HDAC4: variants seen among roughly 807,000 people sequenced by gnomAD.
HDAC4 encodes the protein histone deacetylase 4, also known as histone deacetylase A.
A neutral mutation model predicts 135.1 loss-of-function variants in HDAC4; 16 were observed. That is an observed-to-expected ratio of 0.12 (90% CI 0.08 to 0.18). HDAC4 has a LOEUF of 0.18. Among genes scored for constraint, HDAC4 ranks in the 10% least tolerant of loss-of-function variants. HDAC4 has a pLI of 1.00. For synonymous variants in HDAC4, 685 were observed against 653.4 expected (o/e 1.05, Z -0.74); for missense variants, 1,143 against 1,511.8 (o/e 0.76, Z 4.05).
At chr2:239,058,187 A>G (rs2106461155) in intron 24 of HDAC4, among the ~76,000 whole-genome samples, 1 of 152,342 alleles carries the variant, frequency 6.6e-6, no homozygotes, top group Middle Eastern at 3.4e-3. Context: ...GACTGTGTTG[A>G]CAATACATGC....
chr2:239,391,369 C>A (rs969647734), intron 1 of HDAC4, among the ~76,000 whole-genome samples: 2 of 152,166 alleles, frequency 1.3e-5, no homozygotes, highest in African/African-American at 4.8e-5. Flanking sequence ...TCCACCACAC[C>A]ACGACCTGCT....
intron 3 of HDAC4, chr2:239,191,143 T>C (rs749035077): frequency 2.3e-5 from 9 of 389,422 alleles, no homozygotes; most frequent in South Asian, 3.7e-5. Flanking sequence ...CCAACACTCA[T>C]GTGACCTGGG....
intron 12 of HDAC4, among the ~76,000 whole-genome samples, chr2:239,121,630 G>A (rs944321058): frequency 4.6e-5 from 7 of 152,178 alleles, no homozygotes; most frequent in African/African-American, 1.2e-4. Flanking sequence ...AGTGTCCCCC[G>A]CTGCCGCACG....
At chr2:239,343,516 G>A (rs1692428899) in intron 2 of HDAC4, among the ~76,000 whole-genome samples, 2 of 152,374 alleles carry the variant, frequency 1.3e-5, no homozygotes, top group South Asian at 4.1e-4. Flanking sequence ...CCAGCCGGCG[G>A]GGCAGGACCT....
intron 1 of HDAC4, among the ~76,000 whole-genome samples, chr2:239,376,612 G>T (rs990942843): frequency 6.6e-6 from 1 of 152,232 alleles, no homozygotes. Flanking sequence ...CACAACACCC[G>T]CCCCAGGGGG....
At chr2:239,214,985 G>A (rs1016166677) in intron 3 of HDAC4, among the ~76,000 whole-genome samples, 2 of 152,316 alleles carry the variant, frequency 1.3e-5, no homozygotes, top group East Asian at 1.9e-4. Flanking sequence ...GTCTGAGAAC[G>A]CCCAGCTGGG....
chr2:239,064,661 T>C (rs1462242504), intron 24 of HDAC4, among the ~76,000 whole-genome samples: 2 of 152,140 alleles, frequency 1.3e-5, no homozygotes, highest in Non-Finnish European at 2.9e-5. Flanking sequence ...TTACCAACCG[T>C]TTGGAAAGCA....
chr2:239,318,061 G>A (rs2053178187), intron 2 of HDAC4, among the ~76,000 whole-genome samples: 1 of 152,000 alleles, frequency 6.6e-6, no homozygotes, highest in South Asian at 2.1e-4. Flanking sequence ...CCACCACCAC[G>A]ACAACAACAG....
In HDAC4 at chr2:239,068,523, G is replaced by A. The variant is rs1469511470; in HGVS notation, c.2835C>T (p.Pro945=). 4 of 1,613,828 alleles carry A rather than the reference G, an allele frequency of 2.5e-6. No individual in the cohort carries two copies. The highest frequency in any genetic ancestry group is 1.7e-5 in the Admixed American group (1 of 60,024). The change falls in exon 23 of 27, where the codon CCC becomes CCT. Residue 945 remains proline (P), a synonymous_variant. Transcript: ENST00000543185. The surrounding 1 kb of genome is among the most constrained non-coding windows in gnomAD (Gnocchi z 4.4). ...SSGFDAVEGH[P]TPLGGYNLSA... The stretch of plus-strand genomic sequence containing the variant: ...AGAGGTTGTAGCCCCCAAGAGGGGT[G>A]GGGTGGCCCTCCACGGCATCGAAGC...
intron 7 of HDAC4, among the ~76,000 whole-genome samples, chr2:239,156,399 G>T (rs1010136959): frequency 6.6e-6 from 1 of 152,226 alleles, no homozygotes; most frequent in Non-Finnish European, 1.5e-5. Flanking sequence ...ACTAAACTGA[G>T]TGTGCTTTCA....
Position 239,115,167 on chromosome 2 carries a change from G to A in HDAC4, c.1677C>T (p.Ala559=), listed in dbSNP as rs776060110. The A allele has an allele frequency of 2.9e-5, 46 of 1,611,060 alleles. No individual in the cohort carries two copies. The East Asian group carries it at 3.3e-4, about 12-fold the overall frequency. The change falls in exon 13 of 27, where the codon GCC becomes GCT. Residue 559 remains alanine, a synonymous_variant. Coordinates refer to ENST00000543185, the MANE Select transcript of HDAC4 (RefSeq NM_001378414.1). The surrounding 1 kb of genome is among the most constrained non-coding windows in gnomAD (Gnocchi z 6.3). ...LPGQKEAHAQ[A]GVQVKQEPIE... is the part of the protein sequence containing the mutation. ...TGGGCTCCTGCTTCACCTGCACGCC[G>A]GCCTGTGCGTGCGCCTCCTTCTGCC...
rs1180492175 is a variant in HDAC4, at chr2:239,141,667, T to C, written c.866-1871A>G. Among the ~76,000 whole-genome samples, 2 of 152,118 alleles carry C rather than the reference T, an allele frequency of 1.3e-5. No individual in the cohort carries two copies. The highest frequency in any genetic ancestry group is 2.9e-5 in the Non-Finnish European group (2 of 68,030). On this transcript the variant is annotated intron_variant, in intron 8 of 26. Coordinates refer to ENST00000543185, the MANE Select transcript of HDAC4 (RefSeq NM_001378414.1). The surrounding 1 kb of genome is among the most constrained non-coding windows in gnomAD (Gnocchi z 4.9). ...CACCCTAGACCCCTGCTCTCTGATG[T>C]CAAGCTGTCTCCAGCTACACACCAA...
chr2:239,084,002 T>A (rs2035613046), intron 20 of HDAC4, among the ~76,000 whole-genome samples, 153 bp downstream of exon 20: 1 of 152,220 alleles, frequency 6.6e-6, no homozygotes, highest in South Asian at 2.1e-4. Context: ...TGTAGCAGGT[T>A]TGGGGCTTTA....
chr2:239,091,886 C>T (rs1443258818), intron 17 of HDAC4: 4 of 146,428 alleles, frequency 2.7e-5, no homozygotes, highest in Admixed American at 6.9e-5. Context: ...CGGTGAAACC[C>T]CGTCTCTACT....
At chr2:239,401,111 T>A (rs1696964271), upstream of HDAC4, 1 of 151,194 alleles carries the variant, frequency 6.6e-6, no homozygotes, top group Non-Finnish European at 1.5e-5. Flanking sequence ...CAGCCTTGCG[T>A]CACCTCCCCT....
At chr2:239,236,107 AC>A (rs2047872691) in intron 3 of HDAC4, among the ~76,000 whole-genome samples, 1 of 152,198 alleles carries the variant, frequency 6.6e-6, no homozygotes, top group Non-Finnish European at 1.5e-5. Flanking sequence ...CACCACCGAT[AC>A]TTTTTTTTGT....
At chr2:239,114,116 G>A (rs1371211403) in intron 13 of HDAC4, among the ~76,000 whole-genome samples, 2 of 152,226 alleles carry the variant, frequency 1.3e-5, no homozygotes, top group African/African-American at 2.4e-5. Context: ...TTTAAGAACT[G>A]TAGCTGAGAA....
chr2:239,346,356 C>G (rs1692667205), intron 2 of HDAC4, among the ~76,000 whole-genome samples: 1 of 151,066 alleles, frequency 6.6e-6, no homozygotes, highest in African/African-American at 2.4e-5. Flanking sequence ...AACACACATA[C>G]ACACATCTTA....
chr2:239,350,606 C>T (rs1290079156), intron 2 of HDAC4, among the ~76,000 whole-genome samples: 3 of 152,034 alleles, frequency 2.0e-5, no homozygotes, highest in South Asian at 4.1e-4. Context: ...CAGGTTCAAG[C>T]GATTATCCTG....
Sources: gnomAD v4.1 joint callset for allele counts (sites outside exome capture counted in the v4.1 genomes callset) on GRCh38, gnomAD v4.1.1 for gene constraint, Gnocchi (gnomAD v3.1) non-coding constraint, MANE v1.5 for transcripts, NCBI Gene and HGNC (gene_info 2026-07-23, HGNC 2026-07-21) for gene names.